The following RANBP9 variants were observed in gnomAD, a reference collection of about 807,000 sequenced individuals.
RANBP9 encodes ran-binding protein 9.
In RANBP9, 15 loss-of-function variants were observed where a neutral mutation model predicts 84.3. The ratio of observed to expected loss-of-function variants is 0.18; its 90% CI spans 0.12 to 0.27. The LOEUF (loss-of-function observed/expected upper bound fraction) is 0.27, where lower values mean the gene tolerates loss of function less well. RANBP9 is among the 10% of genes least tolerant of loss of function. The pLI is 1.00. For synonymous variants in RANBP9, 392 were observed against 349.6 expected, an observed-to-expected ratio of 1.12 and a Z score of -1.35; for missense variants, 809 against 912.8, an observed-to-expected ratio of 0.89 and a Z score of 1.46.
In RANBP9 at chr6:13,653,875, A is replaced by C. The variant is rs542927630; in HGVS notation, c.905-1194T>G. ...TCCCCACGTAAAACATTATCATTAC[A>C]TTTAACTTCATTAATAACACAGAAA... On this transcript the variant is annotated intron_variant, in intron 4 of 13. Coordinates refer to ENST00000011619, the MANE Select transcript of RANBP9 (RefSeq NM_005493.3). Among the ~76,000 whole-genome samples, 4 of 152,246 alleles carry C rather than the reference A, an allele frequency of 2.6e-5. No homozygotes were observed. In the East Asian group the frequency reaches 5.8e-4, roughly 22 times the overall value.
At chr6:13,658,363 G>A (rs889251108) in intron 3 of RANBP9, among the ~76,000 whole-genome samples, 1 of 152,076 alleles carries the variant, frequency 6.6e-6, no homozygotes, top group African/African-American at 2.4e-5. Context: ...AATCCTAACA[G>A]TTTGGGAGGC....
intron 10 of RANBP9, among the ~76,000 whole-genome samples, chr6:13,635,937 C>T (rs928934291): frequency 2.6e-5 from 4 of 151,882 alleles, no homozygotes; most frequent in Non-Finnish European, 4.4e-5. Context: ...CCTCTGCCTT[C>T]CTGTAGCAAA....
At chr6:13,641,925 C>T (rs561382662) in intron 7 of RANBP9, among the ~76,000 whole-genome samples, 27 of 152,272 alleles carry the variant, frequency 1.8e-4, no homozygotes, top group Admixed American at 2.6e-4. Flanking sequence ...CATCTCTATA[C>T]TCTTGTCAAG....
chr6:13,682,474 T>C (rs1352379267), intron 2 of RANBP9, among the ~76,000 whole-genome samples: 1 of 151,806 alleles, frequency 6.6e-6, no homozygotes, highest in Non-Finnish European at 1.5e-5. Flanking sequence ...TTTTAATTGA[T>C]GGAGTTTTGC....
chr6:13,636,185 G>T (rs1489515115), intron 10 of RANBP9, among the ~76,000 whole-genome samples: 1 of 152,088 alleles, frequency 6.6e-6, no homozygotes, highest in Non-Finnish European at 1.5e-5. Flanking sequence ...AAAAGCACAA[G>T]TTTGCAAGTC....
chr6:13,671,751 A>G (rs1765783685), intron 2 of RANBP9, among the ~76,000 whole-genome samples: 1 of 152,180 alleles, frequency 6.6e-6, no homozygotes, highest in East Asian at 1.9e-4. Flanking sequence ...TGCATTTTTA[A>G]AGGGTGAATA....
At chr6:13,656,292 T>C (rs1269151854) in intron 4 of RANBP9, among the ~76,000 whole-genome samples, 2 of 152,120 alleles carry the variant, frequency 1.3e-5, no homozygotes, top group Non-Finnish European at 2.9e-5. Context: ...TTTTACCTCA[T>C]TAAAAATAAT....
chr6:13,682,249 TG>T (rs1421636663), intron 2 of RANBP9, among the ~76,000 whole-genome samples: 1 of 152,116 alleles, frequency 6.6e-6, no homozygotes, highest in Non-Finnish European at 1.5e-5. Flanking sequence ...TCCCTAAGAA[TG>T]GAAGATAATT....
At position 13,710,920 on chromosome 6, in the gene RANBP9, A is replaced by G. The variant is rs774863963; in HGVS notation, c.571+15T>C. ...GTCAGTGCCCCACTCCCACCGCAGG[A>G]CACACGCCCAGTACCTTTGTAGTGC... is the stretch of plus-strand genomic sequence containing the variant. On this transcript the variant is annotated intron_variant, in intron 1 of 13. Transcript: ENST00000011619. 11 of 1,592,110 alleles carry G rather than the reference A, an allele frequency of 6.9e-6. No individual in the cohort carries two copies. The East Asian group carries it at 2.5e-4, about 37-fold the overall frequency.
intron 5 of RANBP9, among the ~76,000 whole-genome samples, chr6:13,650,973 T>C (rs1765282544): frequency 6.6e-6 from 1 of 152,064 alleles, no homozygotes; most frequent in Non-Finnish European, 1.5e-5. Context: ...AATCATGGCA[T>C]CCAGTCTTTA....
chr6:13,688,181 A>T (rs1341473048), intron 2 of RANBP9, among the ~76,000 whole-genome samples: 1 of 152,198 alleles, frequency 6.6e-6, no homozygotes, highest in African/African-American at 2.4e-5. Flanking sequence ...AAAAATACAA[A>T]ACCACAGAAC....
chr6:13,677,682 G>C (rs1765927223), intron 2 of RANBP9, among the ~76,000 whole-genome samples: 1 of 152,092 alleles, frequency 6.6e-6, no homozygotes, highest in Non-Finnish European at 1.5e-5. Flanking sequence ...TTAAGCTTAT[G>C]AACATATACC....
chr6:13,625,959 C>T (rs553330051), intron 12 of RANBP9, among the ~76,000 whole-genome samples, 195 bp from the exon 13 acceptor site: 4 of 152,256 alleles, frequency 2.6e-5, no homozygotes, highest in African/African-American at 7.2e-5. Context: ...AATTTATTTT[C>T]ATTTTTCCTG....
intron 2 of RANBP9, among the ~76,000 whole-genome samples, chr6:13,689,581 ACT>A (rs1314336432): frequency 6.6e-6 from 1 of 152,000 alleles, no homozygotes; most frequent in Non-Finnish European, 1.5e-5. Flanking sequence ...GCCTGTTCTT[ACT>A]TTTATAACTC....
At position 13,711,035 on chromosome 6, in the gene RANBP9, G is replaced by C. The variant is rs141963588; in HGVS notation, c.471C>G (p.Ala157=). ...LQRRLKRLYP[A]VDEQETPLPR... is the part of the protein sequence containing the mutation. ...GCAGCGGCGTCTCTTGTTCGTCCAC[G>C]GCCGGGTAGAGACGCTTCAGCCGCC... The change falls in exon 1 of 14, where the codon GCC becomes GCG. Residue 157 remains alanine (A), a synonymous_variant. Coordinates refer to ENST00000011619, the MANE Select transcript of RANBP9 (RefSeq NM_005493.3). 6.3e-7 allele frequency: 1 copy of C among 1,598,752 alleles called. No individual in the cohort carries two copies. The highest frequency in any genetic ancestry group is 8.5e-7 in the Non-Finnish European group (1 of 1,173,502).
At chr6:13,631,062 C>T (rs369339281) in intron 12 of RANBP9, among the ~76,000 whole-genome samples, 2 of 152,180 alleles carry the variant, frequency 1.3e-5, no homozygotes, top group East Asian at 3.8e-4. Flanking sequence ...CCCGCCTCAG[C>T]CTCCCAAAGT....
chr6:13,695,401 GTTTTTTT>G (rs773285024), intron 2 of RANBP9, among the ~76,000 whole-genome samples: 8 of 84,802 alleles, frequency 9.4e-5, no homozygotes, highest in African/African-American at 2.9e-4. Flanking sequence ...CCAACCAAAT[GTTTTTTT>G]TTTTTTTTTT....
chr6:13,709,525 A>T (rs1758219809), intron 1 of RANBP9, among the ~76,000 whole-genome samples: 1 of 152,264 alleles, frequency 6.6e-6, no homozygotes, highest in South Asian at 2.1e-4. Flanking sequence ...ACACAAATTA[A>T]AACATAAAAG....
intron 2 of RANBP9, among the ~76,000 whole-genome samples, chr6:13,688,227 T>C (rs1162348074): frequency 6.6e-6 from 1 of 152,220 alleles, no homozygotes; most frequent in Admixed American, 6.5e-5. Flanking sequence ...ACATCTCCAC[T>C]ATATTTCTCA....
Sources: gnomAD v4.1 joint callset for allele counts (sites outside exome capture counted in the v4.1 genomes callset) on GRCh38, gnomAD v4.1.1 for gene constraint, MANE v1.5 for transcripts, NCBI Gene and HGNC (gene_info 2026-07-23, HGNC 2026-07-21) for gene names.